SEMA5A: variants seen among roughly 807,000 people sequenced by gnomAD.
The protein encoded by SEMA5A is semaphorin-5A.
SEMA5A carries 55 observed loss-of-function variants against 135.5 expected under a neutral mutation model. The ratio of observed to expected loss-of-function variants is 0.41; its 90% CI spans 0.33 to 0.51. SEMA5A has a LOEUF of 0.51. Among genes scored for constraint, SEMA5A ranks in the 20% least tolerant of loss-of-function variants. The pLI is 0.37. For missense variants in SEMA5A, 1,290 were observed against 1,419.9 expected (o/e 0.91, Z 1.47); for synonymous variants, 580 against 546.5 (o/e 1.06, Z -0.85).
chr5:9,284,601 G>T (rs1015749199), intron 5 of SEMA5A, among the ~76,000 whole-genome samples: 4 of 152,006 alleles, frequency 2.6e-5, no homozygotes, highest in Non-Finnish European at 4.4e-5. Context: ...ACAATCACAA[G>T]TGATGGTATT....
chr5:9,491,799 C>T (rs868022933), intron 1 of SEMA5A, among the ~76,000 whole-genome samples: 14 of 152,264 alleles, frequency 9.2e-5, no homozygotes, highest in African/African-American at 3.4e-4. Flanking sequence ...GCCCTAATGC[C>T]TTGAAGGTAA....
chr5:9,187,042 T>A (rs1204926497), intron 11 of SEMA5A, among the ~76,000 whole-genome samples: 2 of 152,152 alleles, frequency 1.3e-5, no homozygotes, highest in Non-Finnish European at 2.9e-5. Context: ...GGGCTAGTTA[T>A]AAATAAGAGA....
chr5:9,057,348 A>C (rs1736949493), intron 18 of SEMA5A, among the ~76,000 whole-genome samples: 2 of 152,268 alleles, frequency 1.3e-5, no homozygotes, highest in African/African-American at 4.8e-5. Context: ...ACGGTTCCAT[A>C]ATCATGCAAC....
At chr5:9,052,532 T>G (rs1248408163) in intron 19 of SEMA5A, among the ~76,000 whole-genome samples, 1 of 152,208 alleles carries the variant, frequency 6.6e-6, no homozygotes, top group Non-Finnish European at 1.5e-5. Flanking sequence ...AAAGGGAGTC[T>G]GAAGCTACAC....
At chr5:9,420,709 C>G (rs560459626) in intron 2 of SEMA5A, among the ~76,000 whole-genome samples, 1 of 152,228 alleles carries the variant, frequency 6.6e-6, no homozygotes, top group African/African-American at 2.4e-5. Context: ...ATGTCCAGAA[C>G]AACAGGGTTA....
intron 5 of SEMA5A, among the ~76,000 whole-genome samples, chr5:9,305,811 G>A (rs957702469): frequency 1.3e-5 from 2 of 151,506 alleles, no homozygotes; most frequent in Non-Finnish European, 1.5e-5. Flanking sequence ...TCTTTTTTAA[G>A]GGAAGTTCTC....
intron 3 of SEMA5A, among the ~76,000 whole-genome samples, chr5:9,373,966 T>G (rs1389519869): frequency 6.6e-6 from 1 of 152,244 alleles, no homozygotes; most frequent in Non-Finnish European, 1.5e-5. Context: ...AAAACTAATT[T>G]CAGAGATGGT....
chr5:9,424,980 A>G (rs1315933044), intron 2 of SEMA5A, among the ~76,000 whole-genome samples: 1 of 152,180 alleles, frequency 6.6e-6, no homozygotes. Context: ...GACAATTTGG[A>G]AACGTAAATA....
chr5:9,344,790 G>A (rs1045500232), intron 3 of SEMA5A, among the ~76,000 whole-genome samples: 1 of 152,168 alleles, frequency 6.6e-6, no homozygotes, highest in Non-Finnish European at 1.5e-5. Context: ...CCAAATATAT[G>A]AGCCTCTACT....
intron 3 of SEMA5A, among the ~76,000 whole-genome samples, chr5:9,351,772 G>T (rs534717146): frequency 6.6e-6 from 1 of 152,230 alleles, no homozygotes; most frequent in East Asian, 1.9e-4. Context: ...CGTCTATGGT[G>T]TCCCCATGGA....
intron 1 of SEMA5A, among the ~76,000 whole-genome samples, chr5:9,488,470 A>C (rs556900647): frequency 6.6e-6 from 1 of 152,316 alleles, no homozygotes; most frequent in Non-Finnish European, 1.5e-5. Flanking sequence ...TTGAACTATC[A>C]TATTCTACCA....
At chr5:9,332,712 A>T (rs960495855) in intron 4 of SEMA5A, among the ~76,000 whole-genome samples, 22 of 152,256 alleles carry the variant, frequency 1.4e-4, no homozygotes, top group African/African-American at 5.3e-4. Context: ...TGCTACTCAC[A>T]TTGGGCCAGG....
intron 3 of SEMA5A, among the ~76,000 whole-genome samples, chr5:9,338,362 A>G (rs1052617200): frequency 6.6e-6 from 1 of 152,156 alleles, no homozygotes; most frequent in African/African-American, 2.4e-5. Context: ...AGAAATCCAC[A>G]GTTACTTCTA....
chr5:9,517,851 G>A (rs1349495096), intron 1 of SEMA5A: 1 of 152,096 alleles, frequency 6.6e-6, no homozygotes, highest in Non-Finnish European at 1.5e-5. Flanking sequence ...TCTAGACTTA[G>A]AAAGAAAAAA....
chr5:9,456,852 G>C (rs964746430), intron 1 of SEMA5A, among the ~76,000 whole-genome samples: 5 of 152,136 alleles, frequency 3.3e-5, no homozygotes, highest in Non-Finnish European at 5.9e-5. Context: ...ACAACAGAGA[G>C]GCTGTCTTAC....
chr5:9,195,089 T>A (rs40688), intron 10 of SEMA5A, among the ~76,000 whole-genome samples: 1 of 152,124 alleles, frequency 6.6e-6, no homozygotes, highest in Non-Finnish European at 1.5e-5. Flanking sequence ...TTAAAAGGAG[T>A]ATTTCCTGTA....
rs143252468 is a variant in SEMA5A at position 9,208,232 on chromosome 5, AG to A, written c.647-5993del. 6.5e-3 allele frequency among the ~76,000 whole-genome samples: 997 copies of A among 152,334 alleles called. 3 individuals are homozygous for A. The highest frequency in any genetic ancestry group is 0.023 in the African/African-American group (959 of 41,572). ...GAGTAAATAGTATCAGTAATTAATAAGATAACTCATTGAGTATGCATTCCGT... is the reference window on the plus strand; with the variant it reads ...GAGTAAATAGTATCAGTAATTAATAAATAACTCATTGAGTATGCATTCCGT... On this transcript the variant is annotated intron_variant, in intron 8 of 22. Coordinates refer to ENST00000382496, the MANE Select transcript of SEMA5A (RefSeq NM_003966.3).
chr5:9,140,244 C>A (rs1003582059), intron 12 of SEMA5A, among the ~76,000 whole-genome samples: 5 of 152,146 alleles, frequency 3.3e-5, no homozygotes, highest in Non-Finnish European at 5.9e-5. Flanking sequence ...AAACTTGAAC[C>A]TGTATTTTTA....
intron 1 of SEMA5A, among the ~76,000 whole-genome samples, chr5:9,515,191 G>A (rs1736439106): frequency 6.6e-6 from 1 of 152,174 alleles, no homozygotes; most frequent in African/African-American, 2.4e-5. Context: ...GTGGCTGACG[G>A]AGCTGTGACT....
Sources: allele counts gnomAD v4.1 joint callset (sites outside exome capture counted in the v4.1 genomes callset), GRCh38; gene constraint gnomAD v4.1.1; transcripts MANE v1.5; gene names NCBI Gene and HGNC (gene_info 2026-07-23, HGNC 2026-07-21).